EPS15: variants seen among roughly 807,000 people sequenced by gnomAD.
EPS15 encodes the protein epidermal growth factor receptor pathway substrate 15.
A neutral mutation model predicts 113.8 loss-of-function variants in EPS15; 72 were observed. That is an observed-to-expected ratio of 0.63 (90% CI 0.52 to 0.77). The LOEUF (loss-of-function observed/expected upper bound fraction) is 0.77. EPS15 is among the 30% of genes least tolerant of loss of function. The probability of loss-of-function intolerance (pLI) is 0.00; values close to 1 mark genes in which losing one functional copy is unlikely to be tolerated. For synonymous variants in EPS15, 344 were observed against 363.4 expected (o/e 0.95, Z 0.61); for missense variants, 1,048 against 1,045.8 (o/e 1.00, Z -0.03).
At chr1:51,508,252 G>GAGAGAGAGAGAGAGAGAGAAAGAGAGAA (rs1644541359) in intron 1 of EPS15, among the ~76,000 whole-genome samples, 1 of 100,306 alleles carries the variant, frequency 1.0e-5, no homozygotes, top group African/African-American at 4.1e-5. Context: ...GAGAGAAAGA[G>GAGAGAGAGAGAGAGAGAGAAAGAGAGAA]AGAGAGAGAG....
At chr1:51,399,313 G>T in intron 19 of EPS15, 148 bp from the exon 20 acceptor site, 1 of 651,838 alleles carries the variant, frequency 1.5e-6, no homozygotes, top group Non-Finnish European at 2.6e-6. Context: ...CACTTTGGGA[G>T]GCTGAGACAG....
intron 1 of EPS15, among the ~76,000 whole-genome samples, chr1:51,505,422 G>C (rs1351644345): frequency 6.6e-6 from 1 of 152,208 alleles, no homozygotes; most frequent in Non-Finnish European, 1.5e-5. Flanking sequence ...GCAGTCATAA[G>C]AGTATATGTA....
intron 1 of EPS15, among the ~76,000 whole-genome samples, chr1:51,486,858 G>A (rs952993593): frequency 6.6e-5 from 10 of 151,790 alleles, no homozygotes; most frequent in Admixed American, 2.6e-4. Flanking sequence ...TAGTAGAGAC[G>A]GGGGCTTCAT....
At chr1:51,375,977 C>T (rs1389986338) in intron 21 of EPS15, among the ~76,000 whole-genome samples, 2 of 152,222 alleles carry the variant, frequency 1.3e-5, no homozygotes, top group Non-Finnish European at 1.5e-5. Context: ...ACAGAAGTTG[C>T]AGCAAGTTAT....
At chr1:51,412,149 C>G (rs944801492) in intron 13 of EPS15, among the ~76,000 whole-genome samples, 2 of 152,098 alleles carry the variant, frequency 1.3e-5, no homozygotes, top group African/African-American at 4.8e-5. Context: ...TAAGTGGGAG[C>G]TGAACAATGA....
chr1:51,486,342 T>TTTAA (rs1644121855), intron 1 of EPS15, among the ~76,000 whole-genome samples: 1 of 151,006 alleles, frequency 6.6e-6, no homozygotes, highest in South Asian at 2.1e-4. Flanking sequence ...GCAGAATTGC[T>TTTAA]TTAAGCCAGG....
rs529612917 is a variant in EPS15 at position 51,499,688 on chromosome 1, T to C, written c.34-18374A>G. Among the ~76,000 whole-genome samples the C allele has an allele frequency of 5.3e-5, 8 of 151,988 alleles. No individual in the cohort carries two copies. The East Asian group carries it at 1.5e-3, about 29-fold the overall frequency. ...GTGATTATAATTTGCATTTCCCTAATGACTAATGATGTTGAAAATTTTCTT... is the reference window on the plus strand; with the variant it reads ...GTGATTATAATTTGCATTTCCCTAACGACTAATGATGTTGAAAATTTTCTT... On this transcript the variant is annotated intron_variant, in intron 1 of 24. Coordinates refer to ENST00000371733, the MANE Select transcript of EPS15 (RefSeq NM_001981.3).
intron 1 of EPS15, among the ~76,000 whole-genome samples, chr1:51,507,725 T>C (rs569195813): frequency 6.6e-6 from 1 of 151,538 alleles, no homozygotes; most frequent in South Asian, 2.1e-4. Flanking sequence ...CATATATATG[T>C]GTGTGTGTGT....
At chr1:51,450,833 T>G (rs571559544) in intron 8 of EPS15, among the ~76,000 whole-genome samples, 18 of 152,006 alleles carry the variant, frequency 1.2e-4, no homozygotes, top group African/African-American at 4.4e-4. Flanking sequence ...TATGGTATAC[T>G]CTACACTGGG....
intron 20 of EPS15, 101 bp from the exon 21 acceptor site, chr1:51,394,548 A>T (rs1399624739): frequency 3.4e-6 from 2 of 596,382 alleles, no homozygotes; most frequent in Non-Finnish European, 5.8e-6. Flanking sequence ...TTCTTAATTA[A>T]TTAAGGAATA....
chr1:51,440,514 C>T (rs1001571510), intron 11 of EPS15, 82 bp from the exon 12 acceptor site: 29 of 558,374 alleles, frequency 5.2e-5, no homozygotes, highest in African/African-American at 2.1e-4. Flanking sequence ...TAAAGCTCTA[C>T]GCAGATATAA....
intron 2 of EPS15, among the ~76,000 whole-genome samples, chr1:51,478,411 T>C (rs1489780771): frequency 6.6e-6 from 1 of 152,226 alleles, no homozygotes; most frequent in East Asian, 1.9e-4. Context: ...CTTTATCCAG[T>C]TTGCCAGTCT....
Position 51,444,878 on chromosome 1 carries a change from A to G in EPS15, c.954+11T>C. The G allele has an allele frequency of 6.2e-7, 1 of 1,609,204 alleles. No homozygotes were observed. The highest frequency in any genetic ancestry group is 8.5e-7 in the Non-Finnish European group (1 of 1,177,906). On this transcript the variant is annotated intron_variant, in intron 11 of 24. Transcript: ENST00000371733. ...ATTAATACATTCAGGTTTCCTTTTA[A>G]GCTTTCTTACCTTTTGTAAACTGGC...
chr1:51,460,239 G>C (rs1570354324), intron 8 of EPS15, among the ~76,000 whole-genome samples: 1 of 152,134 alleles, frequency 6.6e-6, no homozygotes, highest in African/African-American at 2.4e-5. Context: ...AGAGTAAAAG[G>C]GAAATTAGAA....
chr1:51,454,799 G>T (rs1172131796), intron 8 of EPS15, among the ~76,000 whole-genome samples: 1 of 152,124 alleles, frequency 6.6e-6, no homozygotes, highest in Non-Finnish European at 1.5e-5. Context: ...ACCAATGTTG[G>T]TTTTTTAGTT....
At chr1:51,448,741 A>T (rs899392246) in intron 8 of EPS15, among the ~76,000 whole-genome samples, 1 of 152,218 alleles carries the variant, frequency 6.6e-6, no homozygotes, top group African/African-American at 2.4e-5. Context: ...ACCCCAAAAC[A>T]TTCCACTTTG....
Position 51,409,649 on chromosome 1 carries a change from T to C in EPS15, c.1161A>G (p.Leu387=), listed in dbSNP as rs780288915. 2.5e-6 allele frequency: 4 copies of C among 1,613,286 alleles called. No individual in the cohort carries two copies. Among genetic ancestry groups the C allele is most frequent in the East Asian group, 2.2e-5 (1 of 44,896 alleles). ...CCTGTACCTGCTGTTTCTGGGCCTG[T>C]AGTTTTTGCAGATTAGTATTCTCCC... ...VQRENTNLQK[L]QAQKQQVQEL... Residue 387 remains leucine, a synonymous_variant, in exon 14 of 25, where the codon CTA becomes CTG. Coordinates refer to ENST00000371733, the MANE Select transcript of EPS15 (RefSeq NM_001981.3).
intron 4 of EPS15, among the ~76,000 whole-genome samples, chr1:51,470,509 C>T (rs989311671): frequency 4.0e-5 from 6 of 151,730 alleles, no homozygotes; most frequent in African/African-American, 1.4e-4. Context: ...TAGCCAGGTG[C>T]GGAGGCATAT....
intron 21 of EPS15, among the ~76,000 whole-genome samples, chr1:51,371,528 A>C (rs1418071939): frequency 6.6e-6 from 1 of 152,096 alleles, no homozygotes; most frequent in East Asian, 1.9e-4. Flanking sequence ...AAAAAGAAAA[A>C]AAAAATTTAA....
Sources: allele counts gnomAD v4.1 joint callset (sites outside exome capture counted in the v4.1 genomes callset), GRCh38; gene constraint gnomAD v4.1.1; transcripts MANE v1.5; gene names NCBI Gene and HGNC (gene_info 2026-07-23, HGNC 2026-07-21).